The following EDEM3 variants were observed in gnomAD, a reference collection of about 807,000 sequenced individuals.
EDEM3 encodes the protein ER degradation-enhancing alpha-mannosidase-like protein 3.
EDEM3 carries 60 observed loss-of-function variants against 110.2 expected under a neutral mutation model. The observed-to-expected ratio is 0.54, with a 90% CI of 0.44 to 0.67. The LOEUF (loss-of-function observed/expected upper bound fraction) is 0.67, where lower values mean the gene tolerates loss of function less well. Ranked by LOEUF, EDEM3 falls within the 30% of genes least tolerant of loss-of-function variation. The pLI is 0.00. For missense variants in EDEM3, 996 were observed against 1,121.0 expected (o/e 0.89, Z 1.59); for synonymous variants, 352 against 382.9 (o/e 0.92, Z 0.94).
chr1:184,712,774 A>G (rs545549441), intron 13 of EDEM3, among the ~76,000 whole-genome samples, 176 bp from the exon 14 acceptor site: 2 of 152,210 alleles, frequency 1.3e-5, no homozygotes, highest in Non-Finnish European at 2.9e-5. Flanking sequence ...AGTATATTCT[A>G]TGTTAATGAA....
intron 19 of EDEM3, 77 bp downstream of exon 19, chr1:184,702,734 T>G: frequency 8.1e-7 from 1 of 1,239,604 alleles, no homozygotes; most frequent in South Asian, 2.5e-5. Context: ...AACAATTTTT[T>G]GTGACTCATT....
intron 18 of EDEM3, among the ~76,000 whole-genome samples, chr1:184,706,297 C>T (rs967331645): frequency 1.3e-5 from 2 of 152,174 alleles, no homozygotes; most frequent in African/African-American, 4.8e-5. Context: ...TGGCTCCCCA[C>T]TGGACGTGGC....
intron 2 of EDEM3, among the ~76,000 whole-genome samples, chr1:184,749,123 A>G (rs1482640115): frequency 6.6e-6 from 1 of 152,220 alleles, no homozygotes; most frequent in East Asian, 1.9e-4. Flanking sequence ...AGAGTCCATG[A>G]GGATACAATT....
intron 10 of EDEM3, 44 bp downstream of exon 10, chr1:184,719,399 A>T: frequency 6.3e-7 from 1 of 1,592,160 alleles, no homozygotes; most frequent in Non-Finnish European, 8.5e-7. Context: ...CCTAATTAAC[A>T]TCATCATCTT....
intron 19 of EDEM3, among the ~76,000 whole-genome samples, chr1:184,699,247 T>C (rs1649484774): frequency 1.3e-5 from 2 of 151,828 alleles, no homozygotes; most frequent in Non-Finnish European, 2.9e-5. Flanking sequence ...AATATAGAGA[T>C]GAGAAGCAGG....
chr1:184,736,131 G>C (rs1651808652), intron 4 of EDEM3, among the ~76,000 whole-genome samples: 1 of 152,026 alleles, frequency 6.6e-6, no homozygotes, highest in South Asian at 2.1e-4. Flanking sequence ...AAAGAGCTTT[G>C]GAAGGGATGC....
intron 8 of EDEM3, among the ~76,000 whole-genome samples, chr1:184,722,647 G>A (rs1202751141): frequency 6.6e-6 from 1 of 151,816 alleles, no homozygotes; most frequent in East Asian, 1.9e-4. Flanking sequence ...CTGTCATTTA[G>A]ATGACACAGA....
chr1:184,742,805 T>C (rs1288560902), intron 2 of EDEM3, among the ~76,000 whole-genome samples: 3 of 152,250 alleles, frequency 2.0e-5, no homozygotes, highest in Non-Finnish European at 4.4e-5. Flanking sequence ...TATAGTTTTA[T>C]ATTTAACACA....
chr1:184,702,922 T>A lies in EDEM3; in HGVS notation c.2278A>T (p.Ile760Phe), dbSNP rs147742369. Residue 760 changes from isoleucine to phenylalanine, a missense_variant, in exon 19 of 20, where the codon ATC becomes TTC. Physicochemically the swap from Ile to Phe is conservative, Grantham distance 21. This residue lies in a region of EDEM3 where 345 missense variants were observed against 402.0 expected (regional missense o/e 0.86). Transcript: ENST00000318130. Reference protein sequence around the residue: ...MAGDGKDTDDIKIPMLFLFSK... With the variant: ...MAGDGKDTDDFKIPMLFLFSK... Reference sequence around the variant, plus strand: ...AATAAGAACAGCATGGGGATCTTGATGTCATCTGTATCCTTTCCATCACCT... The same window carrying A: ...AATAAGAACAGCATGGGGATCTTGAAGTCATCTGTATCCTTTCCATCACCT... 8 of 1,613,792 alleles carry A rather than the reference T, an allele frequency of 5.0e-6. No homozygotes were observed. The highest frequency in any genetic ancestry group is 6.8e-6 in the Non-Finnish European group (8 of 1,179,826).
At chr1:184,734,673 CT>C in intron 4 of EDEM3, 30 bp from the exon 5 acceptor site, 2 of 901,414 alleles carry the variant, frequency 2.2e-6, no homozygotes, top group Non-Finnish European at 3.3e-6. Context: ...AAATAAAGTT[CT>C]TTTCTACCAA....
At chr1:184,706,600 T>A in intron 18 of EDEM3, 43 bp downstream of exon 18, 1 of 1,440,842 alleles carries the variant, frequency 6.9e-7, no homozygotes. Context: ...TCCTAAAAAT[T>A]ATCTCCCCTT....
In EDEM3 at chr1:184,742,997, C is replaced by T. The variant is rs78634000; in HGVS notation, c.205-5286G>A. 1.7e-3 allele frequency among the ~76,000 whole-genome samples: 260 copies of T among 152,268 alleles called. 2 individuals carry two copies. Among genetic ancestry groups the T allele is most frequent in the African/African-American group, 5.9e-3 (245 of 41,550 alleles). ...GGGTTTTCTAACACACAGACACACA[C>T]ATACCTCTGTCTGAAATTAATATAA... On this transcript the variant is annotated intron_variant, in intron 2 of 19. Transcript: ENST00000318130.
intron 13 of EDEM3, among the ~76,000 whole-genome samples, chr1:184,714,542 T>C (rs763130872): frequency 1.3e-5 from 2 of 152,138 alleles, no homozygotes; most frequent in East Asian, 1.9e-4. Context: ...CTTAGATCTA[T>C]AGGGTAATAA....
intron 2 of EDEM3, among the ~76,000 whole-genome samples, chr1:184,748,268 GA>G (rs918005186): frequency 1.3e-3 from 200 of 152,214 alleles, no homozygotes; most frequent in African/African-American, 4.6e-3. Context: ...CCAACATGGT[GA>G]AACCCCATCT....
chr1:184,718,582 G>A (rs1006995624), intron 11 of EDEM3, among the ~76,000 whole-genome samples: 1 of 152,014 alleles, frequency 6.6e-6, no homozygotes, highest in Admixed American at 6.6e-5. Flanking sequence ...AATTTTTAAC[G>A]GTACATTTCT....
At position 184,694,056 on chromosome 1, in the gene EDEM3, T is replaced by C. The variant is rs200340771; in HGVS notation, c.*7A>G. On this transcript the variant is annotated 3_prime_UTR_variant, in exon 20 of 20. Coordinates refer to ENST00000318130, the MANE Select transcript of EDEM3 (RefSeq NM_025191.4). ...TTTAAATACCTACCAACAGATTGTTTAGCAAGTCATAGCTCATCCTTCTCC... is the reference window on the plus strand; with the variant it reads ...TTTAAATACCTACCAACAGATTGTTCAGCAAGTCATAGCTCATCCTTCTCC... 1.9e-4 allele frequency: 298 copies of C among 1,606,768 alleles called. No homozygotes were observed. Among genetic ancestry groups the C allele is most frequent in the Non-Finnish European group, 2.4e-4 (281 of 1,176,254 alleles).
intron 13 of EDEM3, among the ~76,000 whole-genome samples, chr1:184,715,695 G>T (rs1200035416): frequency 6.6e-6 from 1 of 152,152 alleles, no homozygotes; most frequent in Non-Finnish European, 1.5e-5. Flanking sequence ...ACTTCAGAAA[G>T]CTGTTGTAAG....
intron 2 of EDEM3, among the ~76,000 whole-genome samples, chr1:184,742,965 T>C (rs974374570): frequency 1.3e-5 from 2 of 152,146 alleles, no homozygotes; most frequent in Admixed American, 6.5e-5. Flanking sequence ...CATACTGCTG[T>C]TTTTTAGGGT....
chr1:184,717,516 G>C (rs930332415), intron 12 of EDEM3, 24 bp downstream of exon 12: 4 of 1,580,978 alleles, frequency 2.5e-6, no homozygotes, highest in Admixed American at 1.7e-5. Context: ...TAAACTTTAA[G>C]TAAAATGGGG....
Sources: allele counts gnomAD v4.1 joint callset (sites outside exome capture counted in the v4.1 genomes callset), GRCh38; gene constraint gnomAD v4.1.1; regional missense constraint gnomAD v4.1.1; transcripts MANE v1.5; gene names NCBI Gene and HGNC (gene_info 2026-07-23, HGNC 2026-07-21).